The following NOL4L variants were observed in gnomAD, a reference collection of about 807,000 sequenced individuals.
The protein encoded by NOL4L is nucleolar protein 4-like.
A neutral mutation model predicts 64.5 loss-of-function variants in NOL4L; 7 were observed. That is an observed-to-expected ratio of 0.11 (90% CI 0.06 to 0.20). The LOEUF (loss-of-function observed/expected upper bound fraction) is 0.20. Among genes scored for constraint, NOL4L ranks in the 10% least tolerant of loss-of-function variants. The pLI is 1.00. For missense variants in NOL4L, 680 were observed against 967.1 expected, an observed-to-expected ratio of 0.70 and a Z score of 3.94; for synonymous variants, 413 against 401.0, an observed-to-expected ratio of 1.03 and a Z score of -0.36.
chr20:32,512,503 G>C (rs964786539), intron 3 of NOL4L, among the ~76,000 whole-genome samples: 14 of 152,126 alleles, frequency 9.2e-5, no homozygotes. Flanking sequence ...TTGTTGTCCT[G>C]AAGATCAAAG....
intron 2 of NOL4L, among the ~76,000 whole-genome samples, chr20:32,522,168 C>T (rs2017968453): frequency 6.6e-6 from 1 of 152,232 alleles, no homozygotes; most frequent in South Asian, 2.1e-4. Flanking sequence ...GGAGGACCAG[C>T]TCAGGCACAG....
chr20:32,545,857 T>C (rs972221263), intron 1 of NOL4L, among the ~76,000 whole-genome samples: 2 of 148,316 alleles, frequency 1.3e-5, no homozygotes, highest in South Asian at 4.2e-4. Context: ...GCAGGATATT[T>C]GGATTGCCAT....
At position 32,479,201 on chromosome 20, in the gene NOL4L, G is replaced by A. The variant is rs572657076; in HGVS notation, c.700-4459C>T. On this transcript the variant is annotated intron_variant, in intron 4 of 10. Coordinates refer to ENST00000621426, the MANE Select transcript of NOL4L (RefSeq NM_001256798.2). ...TACAAGTACACACAGATCAGAACCC[G>A]TCAACGACAACTGTGCAGAGGGGGA... is the stretch of plus-strand genomic sequence containing the variant. 3.3e-5 allele frequency among the ~76,000 whole-genome samples: 5 copies of A among 152,320 alleles called. No individual in the cohort carries two copies. In the South Asian group the frequency reaches 6.2e-4, roughly 19 times the overall value.
intron 1 of NOL4L, among the ~76,000 whole-genome samples, chr20:32,546,237 C>A (rs542483302): frequency 6.6e-6 from 1 of 151,864 alleles, no homozygotes; most frequent in African/African-American, 2.4e-5. Context: ...TGAGCCAGTG[C>A]GCCCAGCTTT....
At chr20:32,549,805 C>T (rs1355234522) in intron 1 of NOL4L, among the ~76,000 whole-genome samples, 2 of 152,098 alleles carry the variant, frequency 1.3e-5, no homozygotes, top group African/African-American at 4.8e-5. Flanking sequence ...AGAGAAATTG[C>T]AACCCTCATG....
intron 1 of NOL4L, among the ~76,000 whole-genome samples, chr20:32,580,912 A>C (rs1199107108): frequency 1.3e-5 from 2 of 152,190 alleles, no homozygotes; most frequent in Non-Finnish European, 2.9e-5. Context: ...CGCTCCACTC[A>C]GAGAGGCCAG....
intron 1 of NOL4L, chr20:32,564,846 G>T (rs918612718): frequency 3.3e-5 from 5 of 152,328 alleles, no homozygotes; most frequent in Non-Finnish European, 2.9e-5. Context: ...CAGGAGCCCT[G>T]TGAGATGAGG....
intron 5 of NOL4L, among the ~76,000 whole-genome samples, chr20:32,465,667 T>A (rs999690941): frequency 1.3e-5 from 2 of 152,168 alleles, no homozygotes. Context: ...TGTGAATGAT[T>A]CACGGGGCAG....
intron 4 of NOL4L, among the ~76,000 whole-genome samples, chr20:32,488,756 T>TTCCC (rs1600737007): frequency 7.9e-5 from 4 of 50,928 alleles, no homozygotes; most frequent in East Asian, 4.3e-3. Context: ...TTTTCCTTCC[T>TTCCC]TCCTTCCTTC....
At position 32,463,870 on chromosome 20, in the gene NOL4L, G is replaced by A. The variant is rs932225475; in HGVS notation, c.842-7475C>T. ...AGCTCCCAGGCTAGGCTCGGAGAAC[G>A]GGAAGGCCCACCATCCCTGGGACCA... is the stretch of plus-strand genomic sequence containing the variant. On this transcript the variant is annotated intron_variant, in intron 5 of 10. Transcript: ENST00000621426. The surrounding 1 kb of genome is among the most constrained non-coding windows in gnomAD (Gnocchi z 5.8). 3.9e-5 allele frequency among the ~76,000 whole-genome samples: 6 copies of A among 152,156 alleles called. No homozygotes were observed. The highest frequency in any genetic ancestry group is 7.2e-5 in the African/African-American group (3 of 41,422).
intron 1 of NOL4L, among the ~76,000 whole-genome samples, chr20:32,574,051 T>C (rs900739679): frequency 3.3e-5 from 5 of 152,194 alleles, no homozygotes; most frequent in African/African-American, 7.2e-5. Flanking sequence ...CAGCTACCCC[T>C]TGGGGTACGG....
At chr20:32,483,257 C>T in intron 4 of NOL4L, 1 of 664,840 alleles carries the variant, frequency 1.5e-6, no homozygotes, top group Non-Finnish European at 1.9e-6. Context: ...GCCCCTCGCC[C>T]CCCTAACCGC....
chr20:32,565,904 T>C (rs1050192283), intron 1 of NOL4L, among the ~76,000 whole-genome samples: 1 of 146,314 alleles, frequency 6.8e-6, no homozygotes, highest in Non-Finnish European at 1.5e-5. Flanking sequence ...AAGAAAAAAA[T>C]TAGTTGGGTG....
At position 32,453,753 on chromosome 20, in the gene NOL4L, G is replaced by A; in HGVS notation, c.1128C>T (p.Pro376=). 6.4e-7 allele frequency: 1 copy of A among 1,551,336 alleles called. No homozygotes were observed. Among genetic ancestry groups the A allele is most frequent in the Non-Finnish European group, 8.7e-7 (1 of 1,146,438 alleles). ...TGGAATCGTAGCTCCCAGAGCTGTA[G>A]GGGGGGGACTAAAAGGAGGGCAAGA... is the stretch of plus-strand genomic sequence containing the variant. ...YGVKTTPESP[P]YSSGSYDSIK... Residue 376 remains proline, a synonymous_variant, in exon 7 of 11, where the codon CCC becomes CCT. Coordinates refer to ENST00000621426, the MANE Select transcript of NOL4L (RefSeq NM_001256798.2). The surrounding 1 kb of genome is among the most constrained non-coding windows in gnomAD (Gnocchi z 5.6).
chr20:32,498,492 G>T (rs914336976), intron 4 of NOL4L, among the ~76,000 whole-genome samples: 1 of 151,906 alleles, frequency 6.6e-6, no homozygotes, highest in East Asian at 1.9e-4. Context: ...ACAGGGCATG[G>T]TGGCTCATGC....
intron 4 of NOL4L, among the ~76,000 whole-genome samples, chr20:32,485,058 C>CAAA (rs57444583): frequency 0.027 from 468 of 17,636 alleles, 22 homozygotes; most frequent in Non-Finnish European, 0.029. Flanking sequence ...GGGAAATTGC[C>CAAA]AAAAAAAAAA....
chr20:32,528,475 G>A (rs2018222294), intron 1 of NOL4L, among the ~76,000 whole-genome samples: 1 of 152,204 alleles, frequency 6.6e-6, no homozygotes, highest in Non-Finnish European at 1.5e-5. Context: ...GGCCCTTTGT[G>A]TGTGGAGATG....
chr20:32,535,209 C>G (rs183336661), intron 1 of NOL4L, among the ~76,000 whole-genome samples: 1 of 151,198 alleles, frequency 6.6e-6, no homozygotes, highest in East Asian at 1.9e-4. Context: ...TATTGCTTCA[C>G]TGGGACAAAG....
chr20:32,511,594 G>A (rs1400244252), intron 3 of NOL4L, 138 bp from the exon 4 acceptor site: 3 of 563,680 alleles, frequency 5.3e-6, no homozygotes, highest in Non-Finnish European at 9.4e-6. Flanking sequence ...AGACTCTGTG[G>A]CTCACCCACA....
Sources: gnomAD v4.1 joint callset for allele counts (sites outside exome capture counted in the v4.1 genomes callset) on GRCh38, gnomAD v4.1.1 for gene constraint, Gnocchi (gnomAD v3.1) non-coding constraint, MANE v1.5 for transcripts, NCBI Gene and HGNC (gene_info 2026-07-23, HGNC 2026-07-21) for gene names.